Variants in AIDA observed in about 807,000 individuals in gnomAD.
The protein encoded by AIDA is axin interactor, dorsalization-associated protein.
A neutral mutation model predicts 42.7 loss-of-function variants in AIDA; 18 were observed. The observed-to-expected ratio is 0.42, with a 90% CI of 0.29 to 0.63. AIDA has a LOEUF of 0.63. Ranked by LOEUF, AIDA falls within the 20% of genes least tolerant of loss-of-function variation. The probability of loss-of-function intolerance (pLI) is 0.19; values close to 1 mark genes in which losing one functional copy is unlikely to be tolerated. For missense variants in AIDA, 250 were observed against 354.1 expected (o/e 0.71, Z 2.36); for synonymous variants, 104 against 122.9 (o/e 0.85, Z 1.02).
intron 6 of AIDA, among the ~76,000 whole-genome samples, chr1:222,686,367 G>T (rs1158481271): frequency 6.6e-6 from 1 of 152,280 alleles, no homozygotes; most frequent in East Asian, 1.9e-4. Flanking sequence ...AATATGGTTT[G>T]TGCTAAACAT....
intron 2 of AIDA, among the ~76,000 whole-genome samples, chr1:222,700,074 T>C (rs1406385428): frequency 6.6e-6 from 1 of 152,168 alleles, no homozygotes; most frequent in African/African-American, 2.4e-5. Context: ...ATTAAACTTT[T>C]AAAGGCATAC....
intron 1 of AIDA, among the ~76,000 whole-genome samples, chr1:222,708,797 T>G (rs902958717): frequency 1.3e-5 from 2 of 152,222 alleles, no homozygotes; most frequent in Non-Finnish European, 2.9e-5. Context: ...TATCCCCAGA[T>G]AGCTAAATGC....
chr1:222,690,950 C>T (rs1031354241), intron 4 of AIDA, among the ~76,000 whole-genome samples: 4 of 151,940 alleles, frequency 2.6e-5, no homozygotes, highest in African/African-American at 9.7e-5. Flanking sequence ...GAGTCTTTGC[C>T]CTCATATATG....
chr1:222,669,785 G>C lies in AIDA; in HGVS notation c.*108C>G. ...GGACTCCGTCCGGCCTACTGGTCTG[G>C]GTACGGCTTGCTTCCTGCCTGTTGA... On this transcript the variant is annotated 3_prime_UTR_variant, in exon 10 of 10. Coordinates refer to ENST00000340020, the MANE Select transcript of AIDA (RefSeq NM_022831.4). The C allele has an allele frequency of 1.0e-6, 1 of 997,234 alleles. No homozygotes were observed. The highest frequency in any genetic ancestry group is 1.5e-6 in the Non-Finnish European group (1 of 675,304). 61.8% of individuals were successfully genotyped at this position (997,234 alleles called of 1,614,324 possible). A position where few individuals can be genotyped will look rare whatever the true frequency, so the allele number is the denominator to read the frequency against.
intron 1 of AIDA, among the ~76,000 whole-genome samples, chr1:222,708,554 G>C (rs562674439): frequency 6.6e-6 from 1 of 151,988 alleles, no homozygotes; most frequent in African/African-American, 2.4e-5. Context: ...ATTTTTAGTA[G>C]AGAGGGGGTT....
chr1:222,689,187 C>T (rs570978834), intron 4 of AIDA, among the ~76,000 whole-genome samples: 1 of 151,808 alleles, frequency 6.6e-6, no homozygotes, highest in African/African-American at 2.4e-5. Context: ...CCTGTAATCC[C>T]AGCACTTTGG....
At chr1:222,686,068 G>A (rs1019234349) in intron 6 of AIDA, among the ~76,000 whole-genome samples, 9 of 152,202 alleles carry the variant, frequency 5.9e-5, no homozygotes, top group African/African-American at 1.4e-4. Context: ...GCTGAGATGC[G>A]AGAATTGCTT....
At chr1:222,670,466 A>G (rs1180756598) in intron 8 of AIDA, among the ~76,000 whole-genome samples, 2 of 152,200 alleles carry the variant, frequency 1.3e-5, no homozygotes, top group South Asian at 2.1e-4. Flanking sequence ...TTATCATCCA[A>G]TTCTACAAAC....
intron 7 of AIDA, among the ~76,000 whole-genome samples, chr1:222,674,078 ACT>A (rs1030379133): frequency 5.9e-5 from 9 of 152,150 alleles, no homozygotes; most frequent in African/African-American, 2.2e-4. Context: ...TAAGAGTGAA[ACT>A]CTGTGTCAAA....
At chr1:222,707,107 T>C (rs990543420) in intron 1 of AIDA, among the ~76,000 whole-genome samples, 1 of 152,074 alleles carries the variant, frequency 6.6e-6, no homozygotes, top group African/African-American at 2.4e-5. Context: ...ACATGTAAAA[T>C]AGATGAATTT....
Position 222,698,733 on chromosome 1 carries a change from G to A in AIDA, c.180+4415C>T, listed in dbSNP as rs537302585. 3.3e-5 allele frequency among the ~76,000 whole-genome samples: 5 copies of A among 152,246 alleles called. No individual in the cohort carries two copies. The South Asian group carries it at 1.0e-3, about 32-fold the overall frequency. On this transcript the variant is annotated intron_variant, in intron 2 of 9. Coordinates refer to ENST00000340020, the MANE Select transcript of AIDA (RefSeq NM_022831.4). ...CCCAAAGTGCTGGGATTACAGGCATGAGCCACCACGCCTGGCCCATCAAAT... is the reference window on the plus strand; with the variant it reads ...CCCAAAGTGCTGGGATTACAGGCATAAGCCACCACGCCTGGCCCATCAAAT...
chr1:222,701,085 C>T (rs1347750193), intron 2 of AIDA, among the ~76,000 whole-genome samples: 1 of 151,558 alleles, frequency 6.6e-6, no homozygotes, highest in Admixed American at 6.6e-5. Flanking sequence ...ACCTCAGCCT[C>T]CCAAGTAGCT....
At position 222,707,784 on chromosome 1, in the gene AIDA, C is replaced by T. The variant is rs540507123; in HGVS notation, c.110+4424G>A. 3.3e-5 allele frequency among the ~76,000 whole-genome samples: 5 copies of T among 152,318 alleles called. No homozygotes were observed. The South Asian group carries it at 8.3e-4, about 25-fold the overall frequency. On this transcript the variant is annotated intron_variant, in intron 1 of 9. Coordinates refer to ENST00000340020, the MANE Select transcript of AIDA (RefSeq NM_022831.4). Reference sequence around the variant, plus strand: ...CACAGCATTCTGTGACATAGAAATTCGTGCTTCTCAAACCATCTGTAGCAA... The same window carrying T: ...CACAGCATTCTGTGACATAGAAATTTGTGCTTCTCAAACCATCTGTAGCAA...
intron 2 of AIDA, among the ~76,000 whole-genome samples, chr1:222,700,976 G>GT (rs1250122741): frequency 2.7e-5 from 4 of 146,818 alleles, no homozygotes; most frequent in Non-Finnish European, 4.5e-5. Context: ...TTTTTTGGGG[G>GT]GGGGGGGACA....
In AIDA at chr1:222,703,176, T is replaced by C. The variant is rs1182732678; in HGVS notation, c.152A>G (p.Asn51Ser). Residue 51 changes from asparagine to serine, a missense_variant, in exon 2 of 10, where the codon AAT (asparagine) becomes AGT (serine). By Grantham distance (46) the Asn-to-Ser change is conservative. Coordinates refer to ENST00000340020, the MANE Select transcript of AIDA (RefSeq NM_022831.4). ...HLQKEAQAQH[N>S]NSEFTEEQKK... is the part of the protein sequence containing the mutation. ...TTGTTCTTCTGTGAATTCAGAATTA[T>C]TGTGTTGAGCTTGGGCCTCCTTTTG... The C allele has an allele frequency of 4.3e-6, 7 of 1,610,158 alleles. No individual in the cohort carries two copies. The highest frequency in any genetic ancestry group is 1.3e-5 in the African/African-American group (1 of 74,762).
chr1:222,674,213 C>T lies in AIDA; in HGVS notation c.584-778G>A, dbSNP rs193059565. 3.3e-5 allele frequency among the ~76,000 whole-genome samples: 5 copies of T among 151,904 alleles called. No individual in the cohort carries two copies. The East Asian group carries it at 7.8e-4, about 24-fold the overall frequency. On this transcript the variant is annotated intron_variant, in intron 7 of 9. Transcript: ENST00000340020. The stretch of plus-strand genomic sequence containing the variant: ...AATTCCCATTTGGTGTGAGCAGGTA[C>T]CTGAAGAGTTGCAGGTGACCACAGA...
chr1:222,674,012 G>A (rs1015252682), intron 7 of AIDA, among the ~76,000 whole-genome samples: 13 of 147,670 alleles, frequency 8.8e-5, no homozygotes, highest in African/African-American at 1.5e-4. Flanking sequence ...TCTTGAATCC[G>A]GGAGGCAGAG....
In AIDA at chr1:222,673,339, T is replaced by G; in HGVS notation, c.680A>C (p.Gln227Pro). Residue 227 changes from glutamine to proline, a missense_variant, in exon 8 of 10, where the codon CAG (glutamine) becomes CCG (proline). This residue lies in a region of AIDA where 199 missense variants were observed against 232.6 expected (regional missense o/e 0.86). Coordinates refer to ENST00000340020, the MANE Select transcript of AIDA (RefSeq NM_022831.4). ...YVHFNVDIEL[Q>P]KHVEKLTKGA... ...TTTGGTTAATTTTTCAACATGCTTC[T>G]GGAGCTCAATGTCCACATTAAAATG... The G allele has an allele frequency of 1.2e-6, 2 of 1,608,888 alleles. No homozygotes were observed. Among genetic ancestry groups the G allele is most frequent in the Non-Finnish European group, 1.7e-6 (2 of 1,177,544 alleles).
intron 1 of AIDA, among the ~76,000 whole-genome samples, chr1:222,708,587 C>G (rs1396586460): frequency 6.6e-6 from 1 of 151,948 alleles, no homozygotes; most frequent in African/African-American, 2.4e-5. Flanking sequence ...CCGGGATGGT[C>G]TTGAACTCCT....
Sources: gnomAD v4.1 joint callset for allele counts (sites outside exome capture counted in the v4.1 genomes callset) on GRCh38, gnomAD v4.1.1 for gene constraint, gnomAD v4.1.1 regional missense constraint, MANE v1.5 for transcripts, NCBI Gene and HGNC (gene_info 2026-07-23, HGNC 2026-07-21) for gene names.